Variants in RPS6KA2 observed in about 807,000 individuals in gnomAD.
The protein encoded by RPS6KA2 is ribosomal protein S6 kinase alpha-2.
A neutral mutation model predicts 91.8 loss-of-function variants in RPS6KA2; 42 were observed. The ratio of observed to expected loss-of-function variants is 0.46; its 90% CI spans 0.36 to 0.59. The LOEUF is 0.59. RPS6KA2 is among the 20% of genes least tolerant of loss of function. RPS6KA2 has a pLI of 0.00. For synonymous variants in RPS6KA2, 414 were observed against 393.6 expected (o/e 1.05, Z -0.61); for missense variants, 798 against 978.5 (o/e 0.82, Z 2.46).
intron 3 of RPS6KA2, among the ~76,000 whole-genome samples, chr6:166,519,941 T>G (rs531535038): frequency 6.6e-6 from 1 of 152,298 alleles, no homozygotes; most frequent in East Asian, 1.9e-4. Flanking sequence ...TTTCTGGGTG[T>G]GTGTGTGAGG....
intron 2 of RPS6KA2, among the ~76,000 whole-genome samples, chr6:166,673,134 G>A (rs531850330): frequency 6.6e-6 from 1 of 152,304 alleles, no homozygotes; most frequent in East Asian, 1.9e-4. Flanking sequence ...CCCGCTGCCT[G>A]TCCCTCTGGC....
intron 2 of RPS6KA2, among the ~76,000 whole-genome samples, chr6:166,816,693 C>T (rs1779775557): frequency 6.6e-6 from 1 of 152,132 alleles, no homozygotes; most frequent in Non-Finnish European, 1.5e-5. Flanking sequence ...TTAAACAGTG[C>T]TTCTTATATG....
At chr6:166,762,389 C>CAT (rs1778198151) in intron 2 of RPS6KA2, among the ~76,000 whole-genome samples, 2 of 152,116 alleles carry the variant, frequency 1.3e-5, no homozygotes, top group African/African-American at 4.8e-5. Flanking sequence ...TGTCTATGCG[C>CAT]ATATGTGTGT....
At position 166,415,297 on chromosome 6, in the gene RPS6KA2, TTAGGGCTTTAATAA is replaced by T. The variant is rs559905502; in HGVS notation, c.1939-1380_1939-1367del. ...TTTTCAGGTGTAAAAACAAAAGCCT[TTAGGGCTTTAATAA>T]CTCTTTTCACGATCTTATAGTCATG... is the stretch of plus-strand genomic sequence containing the variant. On this transcript the variant is annotated intron_variant, in intron 19 of 20. Coordinates refer to ENST00000265678, the MANE Select transcript of RPS6KA2 (RefSeq NM_021135.6). 1.5e-3 allele frequency among the ~76,000 whole-genome samples: 230 copies of T among 152,250 alleles called. 1 individual carries two copies. The highest frequency in any genetic ancestry group is 5.5e-3 in the African/African-American group (227 of 41,552).
rs978150660 is a variant in RPS6KA2 at position 166,852,519 on chromosome 6, C to T, written c.123+5681G>A. Among the ~76,000 whole-genome samples, 8 of 152,192 alleles carry T rather than the reference C, an allele frequency of 5.3e-5. No individual in the cohort carries two copies. Among genetic ancestry groups the T allele is most frequent in the African/African-American group, 9.7e-5 (4 of 41,442 alleles). On this transcript the variant is annotated intron_variant, in intron 2 of 21. Transcript: ENST00000503859. This position sits in a 1 kb window ranked among gnomAD's most constrained non-coding sequence, Gnocchi z 4.1. ...GCCGCACAGGCGGTTTAGCCTGTCC[C>T]GGGCCATATCCTGCTGGAGCTTTGG...
In RPS6KA2 at chr6:166,420,652, C is replaced by T. The variant is rs191563377; in HGVS notation, c.1744-694G>A. Reference sequence around the variant, plus strand: ...CCATTCATCCACCGAGGGACACTCTCGTGGCTTCCACCTTTTGGCTGTTGT... The same window carrying T: ...CCATTCATCCACCGAGGGACACTCTTGTGGCTTCCACCTTTTGGCTGTTGT... On this transcript the variant is annotated intron_variant, in intron 17 of 20. Coordinates refer to ENST00000265678, the MANE Select transcript of RPS6KA2 (RefSeq NM_021135.6). 2.3e-3 allele frequency among the ~76,000 whole-genome samples: 348 copies of T among 152,324 alleles called. 3 individuals are homozygous for T. The highest frequency in any genetic ancestry group is 8.0e-3 in the African/African-American group (333 of 41,562).
intron 2 of RPS6KA2, among the ~76,000 whole-genome samples, chr6:166,689,857 C>T (rs192418166): frequency 8.8e-4 from 134 of 152,354 alleles, no homozygotes; most frequent in Admixed American, 1.5e-3. Context: ...GACACCAGGA[C>T]CAGAGAAAGC....
At position 166,773,731 on chromosome 6, in the gene RPS6KA2, C is replaced by A. The variant is rs140389053; in HGVS notation, c.123+84469G>T. ...TGCTACTGTCCCCTTCCTCGTCTGTCCATCCTGTTACATACCTGTGACCAC... is the reference window on the plus strand; with the variant it reads ...TGCTACTGTCCCCTTCCTCGTCTGTACATCCTGTTACATACCTGTGACCAC... On this transcript the variant is annotated intron_variant, in intron 2 of 21. Transcript: ENST00000503859. Among the ~76,000 whole-genome samples, 6 of 152,320 alleles carry A rather than the reference C, an allele frequency of 3.9e-5. No individual in the cohort carries two copies. The East Asian group carries it at 1.2e-3, about 29-fold the overall frequency.
At chr6:166,523,961 A>G (rs1782941255) in intron 3 of RPS6KA2, among the ~76,000 whole-genome samples, 1 of 152,160 alleles carries the variant, frequency 6.6e-6, no homozygotes, top group Non-Finnish European at 1.5e-5. Flanking sequence ...CAGTGATCCC[A>G]TCTTACAGGA....
At chr6:166,810,674 T>C (rs539252156) in intron 2 of RPS6KA2, among the ~76,000 whole-genome samples, 19 of 152,354 alleles carry the variant, frequency 1.2e-4, no homozygotes, top group African/African-American at 4.1e-4. Context: ...AACCCGAGTC[T>C]AGGTCCGGAT....
chr6:166,562,072 C>T (rs531214636), intron 1 of RPS6KA2, among the ~76,000 whole-genome samples: 7 of 152,174 alleles, frequency 4.6e-5, no homozygotes, highest in South Asian at 2.1e-4. Flanking sequence ...CACAGTCACC[C>T]GAAACTATAA....
intron 1 of RPS6KA2, among the ~76,000 whole-genome samples, chr6:166,624,950 C>T (rs1227707657): frequency 1.3e-5 from 2 of 152,138 alleles, no homozygotes; most frequent in Admixed American, 1.3e-4. Context: ...TCTCCTGCCT[C>T]AGCCTCCTGA....
chr6:166,681,686 G>GGCCCCCCCCCCCCC (rs1788813375), intron 2 of RPS6KA2, among the ~76,000 whole-genome samples: 1 of 11,628 alleles, frequency 8.6e-5, no homozygotes. Flanking sequence ...ATCTCCCCCT[G>GGCCCCCCCCCCCCC]CCCGCCCCCC....
chr6:166,536,524 C>T (rs78809334), intron 2 of RPS6KA2, among the ~76,000 whole-genome samples: 1,529 of 152,304 alleles, frequency 0.01, 19 homozygotes, highest in Non-Finnish European at 0.011. Flanking sequence ...TCTCTAGTGA[C>T]GATATTAGCT....
chr6:166,424,685 T>C (rs1778846676), intron 16 of RPS6KA2, among the ~76,000 whole-genome samples: 1 of 152,000 alleles, frequency 6.6e-6, no homozygotes, highest in Non-Finnish European at 1.5e-5. Flanking sequence ...GGTTAGGGAG[T>C]CAGTGAATGA....
intron 11 of RPS6KA2, among the ~76,000 whole-genome samples, chr6:166,466,961 T>C (rs1224818336): frequency 6.9e-6 from 1 of 143,960 alleles, no homozygotes; most frequent in Non-Finnish European, 1.5e-5. Context: ...CTCACTCCCT[T>C]ACTCATTCAT....
intron 1 of RPS6KA2, among the ~76,000 whole-genome samples, chr6:166,858,941 C>T (rs1225006899): frequency 6.6e-6 from 1 of 150,514 alleles, no homozygotes; most frequent in Admixed American, 6.7e-5. Context: ...GCACCGGCTG[C>T]CATGCAGCAG....
chr6:166,702,701 C>T (rs1789560926), intron 2 of RPS6KA2: 2 of 1,328,110 alleles, frequency 1.5e-6, no homozygotes, highest in African/African-American at 1.4e-5. Context: ...GCCCAGATCT[C>T]GTCTGGGCAG....
intron 2 of RPS6KA2, among the ~76,000 whole-genome samples, chr6:166,820,753 T>C (rs1314165088): frequency 6.6e-6 from 1 of 152,230 alleles, no homozygotes; most frequent in Non-Finnish European, 1.5e-5. Flanking sequence ...TTATAGAGAA[T>C]TGTGCTCATT....
Sources: allele counts gnomAD v4.1 joint callset (sites outside exome capture counted in the v4.1 genomes callset), GRCh38; gene constraint gnomAD v4.1.1; non-coding constraint Gnocchi (gnomAD v3.1); transcripts MANE v1.5; gene names NCBI Gene and HGNC (gene_info 2026-07-23, HGNC 2026-07-21).